Variants in E2F6 observed in about 807,000 individuals in gnomAD.
The protein encoded by E2F6 is E2F transcription factor 6, also known as transcription factor E2F6.
A neutral mutation model predicts 31.5 loss-of-function variants in E2F6; 19 were observed. That is an observed-to-expected ratio of 0.60 (90% CI 0.42 to 0.89). E2F6 has a LOEUF of 0.89. Among genes scored for constraint, E2F6 ranks in the 40% least tolerant of loss-of-function variants. E2F6 has a pLI of 0.00. For missense variants in E2F6, 269 were observed against 341.6 expected (o/e 0.79, Z 1.67); for synonymous variants, 121 against 127.7 (o/e 0.95, Z 0.36).
intron 1 of E2F6, chr2:11,458,239 A>G: frequency 1.3e-6 from 2 of 1,549,006 alleles, no homozygotes; most frequent in Non-Finnish European, 1.7e-6. Flanking sequence ...TAAGAAGAGA[A>G]TCAACAGCAG....
Position 11,465,992 on chromosome 2 carries a change from G to A in E2F6, c.-113C>T, listed in dbSNP as rs886639112. ...CGATTTCCAAGGGCCCAGCACCTAA[G>A]GGGTCCGCGGCTTCCTCCGAGGCGC... On this transcript the variant is annotated 5_prime_UTR_variant, in exon 1 of 7. Coordinates refer to ENST00000381525, the MANE Select transcript of E2F6 (RefSeq NM_198256.4). 4 of 975,258 alleles carry A rather than the reference G, an allele frequency of 4.1e-6. No homozygotes were observed. Among genetic ancestry groups the A allele is most frequent in the South Asian group, 2.0e-5 (1 of 50,462 alleles). The allele number at this position is 975,258 out of a possible 1,614,324, so 60.4% of individuals were successfully genotyped here. A position where few individuals can be genotyped will look rare whatever the true frequency, so the allele number is the denominator to read the frequency against.
intron 4 of E2F6, among the ~76,000 whole-genome samples, chr2:11,450,833 C>T (rs1671017442): frequency 6.6e-6 from 1 of 151,794 alleles, no homozygotes; most frequent in Non-Finnish European, 1.5e-5. Flanking sequence ...AGGTTTTTGA[C>T]TGCTGGAGAG....
intron 1 of E2F6, among the ~76,000 whole-genome samples, chr2:11,462,300 C>T (rs975512319): frequency 1.1e-4 from 17 of 152,256 alleles, no homozygotes; most frequent in Middle Eastern, 3.4e-3. Context: ...CAAACAGTAC[C>T]AATCTCTATA....
chr2:11,452,013 A>G (rs1671101985), intron 3 of E2F6, among the ~76,000 whole-genome samples: 1 of 152,220 alleles, frequency 6.6e-6, no homozygotes, highest in Non-Finnish European at 1.5e-5. Flanking sequence ...CATCTTATAC[A>G]GTCTTTTTCA....
Position 11,445,594 on chromosome 2 carries a change from A to AT in E2F6, c.*882_*883insA, listed in dbSNP as rs1670667213. 6.6e-6 allele frequency: 1 copy of AT among 151,946 alleles called. No individual in the cohort carries two copies. The highest frequency in any genetic ancestry group is 1.9e-4 in the East Asian group (1 of 5,168). 9.4% of individuals were successfully genotyped at this position (151,946 alleles called of 1,614,324 possible). On this transcript the variant is annotated 3_prime_UTR_variant, in exon 7 of 7. Coordinates refer to ENST00000381525, the MANE Select transcript of E2F6 (RefSeq NM_198256.4). ...AAACATTACAAAATCTACTTGCAAA[A>AT]ACCTGAAAGGAGTTTCCAATTATCA...
At position 11,455,598 on chromosome 2, in the gene E2F6, A is replaced by G. The variant is rs941896800; in HGVS notation, c.163+1581T>C. On this transcript the variant is annotated intron_variant, in intron 2 of 6. Transcript: ENST00000381525. ...GAAATTCTAACTTTAAAAAGCATAT[A>G]TTTAATTATACTAATTATTAACAAG... 5.9e-6 allele frequency: 3 copies of G among 512,122 alleles called. No individual in the cohort carries two copies. The South Asian group carries it at 5.9e-5, about 10-fold the overall frequency. The allele number at this position is 512,122 out of a possible 1,614,324, so 31.7% of individuals were successfully genotyped here.
intron 1 of E2F6, among the ~76,000 whole-genome samples, chr2:11,465,178 C>CAAAAAAAAAAAAAAA (rs59561027): frequency 3.1e-4 from 27 of 88,454 alleles, no homozygotes; most frequent in East Asian, 7.3e-4. Context: ...AACTCAATCT[C>CAAAAAAAAAAAAAAA]AAAAAAAAAA....
intron 1 of E2F6, among the ~76,000 whole-genome samples, chr2:11,457,538 G>A (rs532596510): frequency 2.0e-5 from 3 of 152,264 alleles, no homozygotes; most frequent in African/African-American, 4.8e-5. Flanking sequence ...CAAGAGAATC[G>A]CTTGAATCTA....
chr2:11,453,195 G>A, intron 3 of E2F6, among the ~76,000 whole-genome samples: 1 of 151,360 alleles, frequency 6.6e-6, no homozygotes, highest in African/African-American at 2.4e-5. Context: ...TAATATTCAG[G>A]GCAGTATTTT....
At chr2:11,451,621 A>T in intron 4 of E2F6, 30 bp downstream of exon 4, 1 of 1,575,522 alleles carries the variant, frequency 6.3e-7, no homozygotes. Context: ...GGAAGCAGAA[A>T]TTTTAAAAAG....
intron 1 of E2F6, among the ~76,000 whole-genome samples, chr2:11,458,927 G>C (rs1382917507): frequency 3.9e-5 from 6 of 152,304 alleles, no homozygotes; most frequent in African/African-American, 1.2e-4. Context: ...CTCTCAAACA[G>C]TGCTGACAAT....
chr2:11,447,451 A>G (rs572588033), intron 6 of E2F6, among the ~76,000 whole-genome samples, 176 bp downstream of exon 6: 4 of 152,370 alleles, frequency 2.6e-5, no homozygotes, highest in Admixed American at 1.3e-4. Context: ...CCAAAACTAC[A>G]GAAATTTAAC....
In E2F6 at chr2:11,447,715, T is replaced by C. The variant is rs1399273150; in HGVS notation, c.711A>G (p.Glu237=). The C allele has an allele frequency of 5.0e-6, 8 of 1,612,106 alleles. No individual in the cohort carries two copies. Among genetic ancestry groups the C allele is most frequent in the African/African-American group, 1.3e-5 (1 of 74,838 alleles). ...TNGPIDVYLC[E]VEQGQTSNKR... is the part of the protein sequence containing the mutation. Reference sequence around the variant, plus strand: ...TGTTACTGGTCTGACCCTGCTCCACTTCACACAAATAGACATCGATAGGTC... The same window carrying C: ...TGTTACTGGTCTGACCCTGCTCCACCTCACACAAATAGACATCGATAGGTC... Residue 237 remains glutamate, a synonymous_variant, in exon 6 of 7, where the codon GAA becomes GAG. Transcript: ENST00000381525.
intron 2 of E2F6, among the ~76,000 whole-genome samples, chr2:11,454,261 TAAGTTGTCTGATGAATTTTTTTGA>T (rs1671256576): frequency 6.6e-6 from 1 of 152,278 alleles, no homozygotes; most frequent in African/African-American, 2.4e-5. Context: ...TGTCATAGTG[TAAGTTGTCTGATGAATTTTTTTGA>T]AAGAGCCCAA....
At chr2:11,465,711 G>C in intron 1 of E2F6, 61 bp downstream of exon 1, 10 of 1,522,932 alleles carry the variant, frequency 6.6e-6, no homozygotes, top group South Asian at 2.4e-5. Flanking sequence ...GCGGCGGCGC[G>C]GGGAGGAGGG....
chr2:11,458,229 TAAGAA>T (rs1671533672), intron 1 of E2F6: 1 of 1,545,252 alleles, frequency 6.5e-7, no homozygotes, highest in Non-Finnish European at 8.8e-7. Context: ...ATAGGTACTC[TAAGAA>T]GAGAATCAAC....
intron 1 of E2F6, among the ~76,000 whole-genome samples, chr2:11,459,650 G>T (rs779057887): frequency 2.6e-5 from 4 of 151,954 alleles, no homozygotes; most frequent in East Asian, 1.9e-4. Flanking sequence ...GAGGCGGGGT[G>T]GGGGGAGGAG....
At chr2:11,464,427 A>G (rs1198261125) in intron 1 of E2F6, among the ~76,000 whole-genome samples, 1 of 150,910 alleles carries the variant, frequency 6.6e-6, no homozygotes, top group Non-Finnish European at 1.5e-5. Context: ...TGAGGCAGGA[A>G]AATGGCGTGA....
At chr2:11,457,071 A>T (rs1169080010) in intron 2 of E2F6, 108 bp downstream of exon 2, 1 of 880,418 alleles carries the variant, frequency 1.1e-6, no homozygotes, top group Non-Finnish European at 1.8e-6. Flanking sequence ...GTGTACACAT[A>T]ACAAATTGTA....
Sources: gnomAD v4.1 joint callset for allele counts (sites outside exome capture counted in the v4.1 genomes callset) on GRCh38, gnomAD v4.1.1 for gene constraint, MANE v1.5 for transcripts, NCBI Gene and HGNC (gene_info 2026-07-23, HGNC 2026-07-21) for gene names.